CEP128: variants seen among roughly 807,000 people sequenced by gnomAD.
The protein encoded by CEP128 is centrosomal protein 128kDa.
In CEP128, 132 loss-of-function variants were observed where a neutral mutation model predicts 156.7. The observed-to-expected ratio is 0.84, with a 90% CI of 0.73 to 0.97. The LOEUF (loss-of-function observed/expected upper bound fraction) is 0.97, where lower values mean the gene tolerates loss of function less well. Ranked by LOEUF, CEP128 falls within the 50% of genes least tolerant of loss-of-function variation. The pLI is 0.00. For synonymous variants in CEP128, 469 were observed against 448.9 expected (o/e 1.04, Z -0.57); for missense variants, 1,252 against 1,281.9 (o/e 0.98, Z 0.36).
intron 2 of CEP128, among the ~76,000 whole-genome samples, chr14:80,949,808 A>G (rs1886423682): frequency 6.6e-6 from 1 of 152,200 alleles, no homozygotes. Context: ...AACAAAAATT[A>G]TCAGGCATAC....
intron 9 of CEP128, among the ~76,000 whole-genome samples, chr14:80,845,170 C>T (rs1283380084): frequency 2.0e-5 from 3 of 152,108 alleles, no homozygotes; most frequent in African/African-American, 7.2e-5. Flanking sequence ...TATAAATTTG[C>T]CAATCTGCAA....
chr14:80,585,134 T>C (rs979012234), intron 19 of CEP128, among the ~76,000 whole-genome samples: 6 of 152,236 alleles, frequency 3.9e-5, no homozygotes, highest in Non-Finnish European at 8.8e-5. Flanking sequence ...CATAAAGTCA[T>C]TAGAGGGAGA....
Position 80,848,530 on chromosome 14 carries a change from G to A in CEP128, c.763-7762C>T, listed in dbSNP as rs561878420. On this transcript the variant is annotated intron_variant, in intron 9 of 24. Coordinates refer to ENST00000555265, the MANE Select transcript of CEP128 (RefSeq NM_152446.5). ...CAAAAAATTAGCTGGGTGTCTTGGCGCATGCTTGTAATTCCAACTATTCAG... is the reference window on the plus strand; with the variant it reads ...CAAAAAATTAGCTGGGTGTCTTGGCACATGCTTGTAATTCCAACTATTCAG... 5.9e-5 allele frequency among the ~76,000 whole-genome samples: 9 copies of A among 152,124 alleles called. No homozygotes were observed. In the South Asian group the frequency reaches 1.7e-3, roughly 28 times the overall value.
intron 13 of CEP128, among the ~76,000 whole-genome samples, chr14:80,827,790 T>C (rs977775433): frequency 6.6e-6 from 1 of 152,224 alleles, no homozygotes; most frequent in Non-Finnish European, 1.5e-5. Flanking sequence ...CATAAGAGAA[T>C]AATGTTTTCA....
intron 8 of CEP128, among the ~76,000 whole-genome samples, chr14:80,877,460 A>G (rs1357143699): frequency 6.6e-6 from 1 of 152,218 alleles, no homozygotes; most frequent in African/African-American, 2.4e-5. Context: ...AAAAATGTAT[A>G]AGATATAAAA....
At chr14:80,838,415 C>A (rs1886193137) in intron 10 of CEP128, 137 bp from the exon 11 acceptor site, 2 of 609,856 alleles carry the variant, frequency 3.3e-6, no homozygotes, top group Admixed American at 2.8e-5. Flanking sequence ...GAATAAATAT[C>A]TCACTATGAA....
chr14:80,578,415 A>C (rs1436354740), intron 20 of CEP128, among the ~76,000 whole-genome samples: 1 of 152,236 alleles, frequency 6.6e-6, no homozygotes, highest in Non-Finnish European at 1.5e-5. Context: ...TAAGATGATA[A>C]TGAGTAAATA....
At chr14:80,932,521 A>T (rs934582174) in intron 2 of CEP128, among the ~76,000 whole-genome samples, 2 of 152,142 alleles carry the variant, frequency 1.3e-5, no homozygotes, top group African/African-American at 4.8e-5. Context: ...TCCATTTCCA[A>T]CATCTTATCT....
chr14:80,956,473 C>T (rs943472065), intron 2 of CEP128, among the ~76,000 whole-genome samples: 4 of 152,162 alleles, frequency 2.6e-5, no homozygotes, highest in Non-Finnish European at 5.9e-5. Flanking sequence ...AAGTATAGTA[C>T]ATTTATCTGC....
exon 2 of CEP128, chr14:80,958,240 C>G (rs1157977824): frequency 3.3e-5 from 5 of 152,114 alleles, no homozygotes; most frequent in Middle Eastern, 3.2e-3. Flanking sequence ...CTCACCAAAT[C>G]CAATTAAGTA....
intron 19 of CEP128, among the ~76,000 whole-genome samples, chr14:80,647,049 A>ATGTGTG (rs1425598200): frequency 7.1e-4 from 13 of 18,292 alleles, no homozygotes; most frequent in East Asian, 2.5e-3. Flanking sequence ...ATATATATAT[A>ATGTGTG]TATATATATA....
intron 19 of CEP128, among the ~76,000 whole-genome samples, chr14:80,702,627 A>G (rs1376739604): frequency 6.6e-6 from 1 of 152,220 alleles, no homozygotes; most frequent in African/African-American, 2.4e-5. Flanking sequence ...TCAACCTGCA[A>G]GAATAAATGA....
chr14:80,609,428 A>G (rs1439428612), intron 19 of CEP128, among the ~76,000 whole-genome samples: 1 of 152,182 alleles, frequency 6.6e-6, no homozygotes, highest in Non-Finnish European at 1.5e-5. Flanking sequence ...TATTATTAAG[A>G]TGTGAATTTA....
At chr14:80,820,217 T>G (rs74064550) in intron 13 of CEP128, among the ~76,000 whole-genome samples, 2 of 152,240 alleles carry the variant, frequency 1.3e-5, no homozygotes, top group Admixed American at 1.3e-4. Context: ...ATCTGAAGAG[T>G]CTATATGCCT....
chr14:80,493,251 C>T (rs890187427), downstream of CEP128, among the ~76,000 whole-genome samples: 3 of 152,158 alleles, frequency 2.0e-5, no homozygotes, highest in Non-Finnish European at 2.9e-5. Context: ...AATTGTGTAA[C>T]TTCAGTTTCC....
intron 19 of CEP128, among the ~76,000 whole-genome samples, chr14:80,600,883 C>T (rs10145128): frequency 0.31 from 47,005 of 149,794 alleles, 8,344 homozygotes; most frequent in African/African-American, 0.48. Context: ...TATAAGGTAA[C>T]AGAATTACGG....
chr14:80,847,543 A>G (rs1305558093), intron 9 of CEP128, among the ~76,000 whole-genome samples: 1 of 152,240 alleles, frequency 6.6e-6, no homozygotes, highest in African/African-American at 2.4e-5. Context: ...CAAAATTTAT[A>G]TAAGTGTTTC....
At chr14:80,837,375 G>A (rs1461496845) in intron 11 of CEP128, among the ~76,000 whole-genome samples, 3 of 152,166 alleles carry the variant, frequency 2.0e-5, no homozygotes, top group East Asian at 1.9e-4. Flanking sequence ...CATCAGAAGC[G>A]CCAAACTCCC....
chr14:80,952,294 T>C (rs1300738494), intron 2 of CEP128, among the ~76,000 whole-genome samples: 1 of 152,102 alleles, frequency 6.6e-6, no homozygotes, highest in Non-Finnish European at 1.5e-5. Context: ...TTAAAAGTGT[T>C]CAAGTTATAC....
Sources: gnomAD v4.1 joint callset for allele counts (sites outside exome capture counted in the v4.1 genomes callset) on GRCh38, gnomAD v4.1.1 for gene constraint, MANE v1.5 for transcripts, NCBI Gene and HGNC (gene_info 2026-07-23, HGNC 2026-07-21) for gene names.